The following TBCE variants were observed in gnomAD, a reference collection of about 807,000 sequenced individuals.
The protein encoded by TBCE is tubulin folding cofactor E, also known as tubulin-specific chaperone E.
TBCE carries 53 observed loss-of-function variants against 77.0 expected under a neutral mutation model. The observed-to-expected ratio is 0.69, with a 90% CI of 0.55 to 0.87. TBCE has a LOEUF of 0.87. TBCE is among the 40% of genes least tolerant of loss of function. The pLI is 0.00. For synonymous variants in TBCE, 235 were observed against 241.3 expected (o/e 0.97, Z 0.24); for missense variants, 624 against 622.4 (o/e 1.00, Z -0.03).
intron 4 of TBCE, among the ~76,000 whole-genome samples, chr1:235,417,889 T>C (rs995956449): frequency 6.6e-6 from 1 of 152,150 alleles, no homozygotes; most frequent in Non-Finnish European, 1.5e-5. Context: ...GCGATTCCCC[T>C]GTCTCAGCCT....
intron 5 of TBCE, among the ~76,000 whole-genome samples, chr1:235,420,735 C>A (rs113757509): frequency 0.067 from 10,202 of 152,242 alleles, 644 homozygotes; most frequent in African/African-American, 0.17. Flanking sequence ...CCCACCTTGG[C>A]CTCCCAGAGT....
chr1:235,445,254 TCATA>T (rs1469544226), intron 15 of TBCE, among the ~76,000 whole-genome samples: 3 of 152,324 alleles, frequency 2.0e-5, no homozygotes, highest in Non-Finnish European at 2.9e-5. Context: ...ACTCACTCAC[TCATA>T]CAAAGGTTCT....
chr1:235,438,316 G>A (rs1381952606), intron 12 of TBCE, among the ~76,000 whole-genome samples: 1 of 152,202 alleles, frequency 6.6e-6, no homozygotes, highest in African/African-American at 2.4e-5. Flanking sequence ...GGGAGGCCGA[G>A]GTTGGCAGAT....
rs146697764 is a variant in TBCE at position 235,414,590 on chromosome 1, G to A, written c.343G>A (p.Gly115Ser). ...TIGNKPVETI[G>S]FDSIMKQQSQ... ...TGGAAATAAACCTGTGGAGACTATC[G>A]GTTTTGACTCTATTATGAAACAGCA... Residue 115 changes from glycine (G) to serine (S), a missense_variant, in exon 4 of 17, where the codon GGT becomes AGT. Gly to Ser is a moderately conservative substitution (Grantham distance 56). Coordinates refer to ENST00000642610, the MANE Select transcript of TBCE (RefSeq NM_003193.5). 53 of 1,613,602 alleles carry A rather than the reference G, an allele frequency of 3.3e-5. No individual in the cohort carries two copies. Among genetic ancestry groups the A allele is most frequent in the Non-Finnish European group, 4.5e-5 (53 of 1,179,944 alleles).
At chr1:235,387,187 T>G (rs1678065653) in intron 2 of TBCE, among the ~76,000 whole-genome samples, 1 of 152,182 alleles carries the variant, frequency 6.6e-6, no homozygotes. Flanking sequence ...CCCGGCCGTG[T>G]GAGGTGTCAG....
At chr1:235,374,251 T>C (rs1291983799) in intron 1 of TBCE, among the ~76,000 whole-genome samples, 1 of 145,990 alleles carries the variant, frequency 6.8e-6, no homozygotes, top group Non-Finnish European at 1.5e-5. Flanking sequence ...CCACTTTGCC[T>C]AGCCTACACT....
intron 9 of TBCE, 152 bp from the exon 10 acceptor site, chr1:235,436,234 C>T (rs1681441221): frequency 1.4e-6 from 1 of 702,446 alleles, no homozygotes; most frequent in Non-Finnish European, 2.5e-6. Context: ...GTTCACTTTG[C>T]ATGTCCTAAG....
intron 5 of TBCE, among the ~76,000 whole-genome samples, chr1:235,423,268 T>C (rs1171134491): frequency 2.0e-5 from 3 of 152,034 alleles, no homozygotes; most frequent in Non-Finnish European, 4.4e-5. Flanking sequence ...CCCAGGTGCT[T>C]GGCCTGTGCT....
intron 3 of TBCE, among the ~76,000 whole-genome samples, chr1:235,406,435 A>T (rs1342186094): frequency 6.6e-6 from 1 of 152,244 alleles, no homozygotes; most frequent in Non-Finnish European, 1.5e-5. Flanking sequence ...TAAGTGTAAC[A>T]TTTTATTTGG....
intron 7 of TBCE, chr1:235,432,899 T>C: frequency 2.6e-6 from 2 of 755,482 alleles, no homozygotes; most frequent in Non-Finnish European, 3.4e-6. Flanking sequence ...TTATATAATA[T>C]ATAATAATTT....
At chr1:235,390,243 TC>T (rs1269798605) in intron 2 of TBCE, among the ~76,000 whole-genome samples, 4 of 152,178 alleles carry the variant, frequency 2.6e-5, no homozygotes, top group African/African-American at 9.6e-5. Context: ...AAGTATTACA[TC>T]TTAAACTGTT....
At chr1:235,417,955 T>C (rs1014570838) in intron 4 of TBCE, among the ~76,000 whole-genome samples, 5 of 151,998 alleles carry the variant, frequency 3.3e-5, no homozygotes, top group Non-Finnish European at 5.9e-5. Flanking sequence ...TTTTTGTTAT[T>C]TTTTTTAGTA....
At chr1:235,401,051 G>A (rs1370216001) in intron 2 of TBCE, among the ~76,000 whole-genome samples, 1 of 149,900 alleles carries the variant, frequency 6.7e-6, no homozygotes, top group Non-Finnish European at 1.5e-5. Context: ...ATAACATAAA[G>A]TTTGCCATTT....
At chr1:235,394,622 G>A (rs1678619828) in intron 2 of TBCE, among the ~76,000 whole-genome samples, 1 of 151,292 alleles carries the variant, frequency 6.6e-6, no homozygotes, top group Non-Finnish European at 1.5e-5. Flanking sequence ...TAGAGAGCGG[G>A]TTTTGCCAGG....
At chr1:235,414,303 G>T in intron 3 of TBCE, 130 bp from the exon 4 acceptor site, 1 of 784,976 alleles carries the variant, frequency 1.3e-6, no homozygotes, top group South Asian at 1.5e-5. Flanking sequence ...ATTTTAGTAT[G>T]TGATATTCTC....
At chr1:235,378,624 A>G (rs956406026) in intron 1 of TBCE, among the ~76,000 whole-genome samples, 4 of 152,126 alleles carry the variant, frequency 2.6e-5, no homozygotes, top group Admixed American at 6.6e-5. Context: ...AGGTGAGTGG[A>G]TCACTTGAGG....
At chr1:235,412,778 ATTAG>A (rs1178145933) in intron 3 of TBCE, among the ~76,000 whole-genome samples, 1 of 151,348 alleles carries the variant, frequency 6.6e-6, no homozygotes, top group Non-Finnish European at 1.5e-5. Flanking sequence ...TATCACAAAT[ATTAG>A]TTTTCATCCT....
At chr1:235,375,110 T>C (rs566986928) in intron 1 of TBCE, among the ~76,000 whole-genome samples, 94 of 151,334 alleles carry the variant, frequency 6.2e-4, no homozygotes, top group African/African-American at 2.0e-3. Flanking sequence ...TTAGTAGAGA[T>C]GGGGTTTTGC....
intron 15 of TBCE, among the ~76,000 whole-genome samples, chr1:235,445,876 C>G (rs1253095330): frequency 6.6e-6 from 1 of 152,180 alleles, no homozygotes; most frequent in African/African-American, 2.4e-5. Context: ...GGTGAATAAG[C>G]TCTGGTGGAA....
Sources: gnomAD v4.1 joint callset for allele counts (sites outside exome capture counted in the v4.1 genomes callset) on GRCh38, gnomAD v4.1.1 for gene constraint, MANE v1.5 for transcripts, NCBI Gene and HGNC (gene_info 2026-07-23, HGNC 2026-07-21) for gene names.